Variants in LAMA2 observed in about 807,000 individuals in gnomAD.
LAMA2 encodes laminin subunit alpha 2.
A neutral mutation model predicts 364.8 loss-of-function variants in LAMA2; 269 were observed. The observed-to-expected ratio is 0.74, with a 90% confidence interval of 0.67 to 0.82. LAMA2 has a LOEUF of 0.82. Among genes scored for constraint, LAMA2 ranks in the 40% least tolerant of loss-of-function variants. The probability of loss-of-function intolerance (pLI) is 0.00; values close to 1 mark genes in which losing one functional copy is unlikely to be tolerated. For synonymous variants in LAMA2, 1,379 were observed against 1,370.6 expected, an observed-to-expected ratio of 1.01 and a Z score of -0.14; for missense variants, 3,807 against 3,873.2, an observed-to-expected ratio of 0.98 and a Z score of 0.45.
chr6:129,165,913 T>A (rs1284705918), intron 9 of LAMA2, among the ~76,000 whole-genome samples: 1 of 151,460 alleles, frequency 6.6e-6, no homozygotes, highest in Non-Finnish European at 1.5e-5. Context: ...TATTTTGAGA[T>A]ACACACACAC....
At chr6:129,216,973 G>A (rs749270113) in intron 12 of LAMA2, among the ~76,000 whole-genome samples, 2 of 151,880 alleles carry the variant, frequency 1.3e-5, no homozygotes, top group Non-Finnish European at 2.9e-5. Flanking sequence ...GGTGGATCAC[G>A]AGGTCAGGAG....
chr6:128,898,944 C>T (rs1192463453), intron 1 of LAMA2, among the ~76,000 whole-genome samples: 1 of 152,150 alleles, frequency 6.6e-6, no homozygotes, highest in Non-Finnish European at 1.5e-5. Flanking sequence ...GTCTCCTTCT[C>T]AATATTCCAA....
intron 41 of LAMA2, chr6:129,436,926 T>C (rs982954979): frequency 6.6e-6 from 1 of 152,158 alleles, no homozygotes; most frequent in East Asian, 1.9e-4. Flanking sequence ...ACATAGACAA[T>C]GCTATTCTAC....
intron 23 of LAMA2, among the ~76,000 whole-genome samples, chr6:129,313,341 C>G (rs111628886): frequency 1.8e-4 from 28 of 152,192 alleles, no homozygotes; most frequent in African/African-American, 4.6e-4. Context: ...TGGAGATGAT[C>G]TATTTTCAAT....
At chr6:129,043,916 G>A (rs1258249730) in intron 1 of LAMA2, among the ~76,000 whole-genome samples, 3 of 152,144 alleles carry the variant, frequency 2.0e-5, no homozygotes, top group Non-Finnish European at 4.4e-5. Context: ...ACTAGGGCAG[G>A]TGTAGGTCTG....
At chr6:129,391,366 A>C in intron 35 of LAMA2, 125 bp from the exon 36 acceptor site, 1 of 814,906 alleles carries the variant, frequency 1.2e-6, no homozygotes, top group African/African-American at 1.7e-5. Flanking sequence ...TGTGGTTCCC[A>C]GCAGGAACAC....
intron 37 of LAMA2, among the ~76,000 whole-genome samples, chr6:129,396,408 G>A (rs1272168471): frequency 1.3e-5 from 2 of 152,194 alleles, no homozygotes; most frequent in African/African-American, 4.8e-5. Flanking sequence ...AAGAAAGACA[G>A]AGCAACAGGA....
intron 4 of LAMA2, among the ~76,000 whole-genome samples, chr6:129,135,610 T>C (rs1777747268): frequency 3.3e-5 from 5 of 152,248 alleles, no homozygotes; most frequent in African/African-American, 1.2e-4. Context: ...CTAATGATTT[T>C]ATCCTCTTAT....
intron 2 of LAMA2, among the ~76,000 whole-genome samples, chr6:129,058,910 T>A (rs1332349991): frequency 6.6e-6 from 1 of 152,054 alleles, no homozygotes; most frequent in African/African-American, 2.4e-5. Context: ...ATTTGGAAAA[T>A]AGTAAATGAT....
chr6:128,988,050 G>C (rs1339964519), intron 1 of LAMA2, among the ~76,000 whole-genome samples: 1 of 152,086 alleles, frequency 6.6e-6, no homozygotes, highest in Non-Finnish European at 1.5e-5. Context: ...ATTTTTAGTA[G>C]AGACGGGGTT....
At chr6:129,142,036 GTT>G (rs1778150326) in intron 4 of LAMA2, among the ~76,000 whole-genome samples, 1 of 152,030 alleles carries the variant, frequency 6.6e-6, no homozygotes, top group Admixed American at 6.6e-5. Context: ...CTATCTGTAT[GTT>G]GAGAGATTCC....
At chr6:129,402,596 T>C in intron 39 of LAMA2, 109 bp downstream of exon 39, 1 of 1,117,972 alleles carries the variant, frequency 8.9e-7, no homozygotes, top group Non-Finnish European at 1.3e-6. Flanking sequence ...CTGTTAATTA[T>C]GAACACACTA....
chr6:129,252,041 T>G, intron 13 of LAMA2, 43 bp from the exon 14 acceptor site: 1 of 1,370,752 alleles, frequency 7.3e-7, no homozygotes, highest in Non-Finnish European at 1.0e-6. Flanking sequence ...TGTACCCTCT[T>G]TTCAGTTTTA....
intron 1 of LAMA2, among the ~76,000 whole-genome samples, chr6:128,891,899 G>A (rs746030072): frequency 2.0e-5 from 3 of 151,804 alleles, no homozygotes; most frequent in African/African-American, 4.8e-5. Flanking sequence ...TAACTGAATC[G>A]TAGAAAACGT....
intron 1 of LAMA2, among the ~76,000 whole-genome samples, chr6:128,911,508 C>T (rs997444969): frequency 6.6e-6 from 1 of 152,116 alleles, no homozygotes; most frequent in Non-Finnish European, 1.5e-5. Context: ...ACGCACGGTG[C>T]GCGCACCCAC....
At chr6:129,360,671 T>C (rs1391392062) in intron 32 of LAMA2, among the ~76,000 whole-genome samples, 3 of 152,170 alleles carry the variant, frequency 2.0e-5, no homozygotes, top group Non-Finnish European at 2.9e-5. Context: ...TAATAAACCT[T>C]TGGACACAGA....
intron 4 of LAMA2, among the ~76,000 whole-genome samples, chr6:129,118,497 G>C (rs1447751925): frequency 6.6e-6 from 1 of 152,162 alleles, no homozygotes; most frequent in East Asian, 1.9e-4. Flanking sequence ...AAAGCTATCT[G>C]AAAATGTGCC....
At chr6:129,139,267 C>T (rs927643634) in intron 4 of LAMA2, among the ~76,000 whole-genome samples, 4 of 152,052 alleles carry the variant, frequency 2.6e-5, no homozygotes, top group Non-Finnish European at 4.4e-5. Flanking sequence ...CAGCTCACCT[C>T]GCTTCTTCAA....
At chr6:129,202,187 CAAA>C (rs776190977) in intron 12 of LAMA2, among the ~76,000 whole-genome samples, 1 of 62,146 alleles carries the variant, frequency 1.6e-5, no homozygotes, top group Admixed American at 2.2e-4. Flanking sequence ...GAGTCTGTCT[CAAA>C]AAAAAAAAAA....
Sources: allele counts gnomAD v4.1 joint callset (sites outside exome capture counted in the v4.1 genomes callset), GRCh38; gene constraint gnomAD v4.1.1; transcripts MANE v1.5; gene names NCBI Gene and HGNC (gene_info 2026-07-23, HGNC 2026-07-21).